Variants in FAM219A observed in about 807,000 individuals in gnomAD.
FAM219A encodes protein FAM219A.
Under a neutral mutation model 23.4 loss-of-function variants are expected in FAM219A, and 7 were observed. The ratio of observed to expected loss-of-function variants is 0.30; its 90% CI spans 0.17 to 0.56. FAM219A has a LOEUF of 0.56. Ranked by LOEUF, FAM219A falls within the 20% of genes least tolerant of loss-of-function variation. FAM219A has a pLI of 0.92. For missense variants in FAM219A, 166 were observed against 246.9 expected (o/e 0.67, Z 2.20); for synonymous variants, 93 against 99.0 (o/e 0.94, Z 0.36).
At chr9:34,455,619 A>C (rs1345742693) in intron 1 of FAM219A, among the ~76,000 whole-genome samples, 5 of 152,040 alleles carry the variant, frequency 3.3e-5, no homozygotes, top group Non-Finnish European at 7.4e-5. Context: ...GGCATGCAGC[A>C]CCATGCTGAG....
chr9:34,430,636 CAAAAAAAA>C (rs757627612), intron 1 of FAM219A, among the ~76,000 whole-genome samples: 4 of 56,272 alleles, frequency 7.1e-5, no homozygotes, highest in African/African-American at 1.3e-4. Flanking sequence ...GACTCCGTCT[CAAAAAAAA>C]AAAAAAAAAA....
chr9:34,439,200 C>T lies in FAM219A; in HGVS notation c.60+19004G>A, dbSNP rs138005944. 4.8e-3 allele frequency among the ~76,000 whole-genome samples: 727 copies of T among 152,338 alleles called. 6 individuals carry two copies. The highest frequency in any genetic ancestry group is 6.9e-3 in the Non-Finnish European group (471 of 68,022). On this transcript the variant is annotated intron_variant, in intron 1 of 5. Transcript: ENST00000651358. ...CGCCTTTAAGAACTGTAACACTCAC[C>T]GCGAGGGTCCGCGGCTTTATTCTTG...
At chr9:34,439,353 AT>A (rs1183323510) in intron 1 of FAM219A, among the ~76,000 whole-genome samples, 1 of 152,204 alleles carries the variant, frequency 6.6e-6, no homozygotes, top group Non-Finnish European at 1.5e-5. Context: ...CTAGAAGACA[AT>A]TCATTCAGTC....
At chr9:34,437,296 C>T (rs1016598247) in intron 1 of FAM219A, among the ~76,000 whole-genome samples, 2 of 152,140 alleles carry the variant, frequency 1.3e-5, no homozygotes, top group Admixed American at 6.5e-5. Flanking sequence ...CAGGACACTA[C>T]GTTATGATCT....
intron 1 of FAM219A, among the ~76,000 whole-genome samples, chr9:34,407,437 A>C (rs547698628): frequency 6.6e-6 from 1 of 152,330 alleles, no homozygotes; most frequent in East Asian, 1.9e-4. Flanking sequence ...GTATAGTGAG[A>C]TCATAGGTAC....
At chr9:34,438,986 C>T (rs561433888) in intron 1 of FAM219A, among the ~76,000 whole-genome samples, 4 of 152,246 alleles carry the variant, frequency 2.6e-5, no homozygotes, top group African/African-American at 4.8e-5. Context: ...TGCAGCTTCA[C>T]TCCTGAAACC....
rs187445033 is a variant in FAM219A, at chr9:34,439,716, T to G, written c.60+18488A>C. Among the ~76,000 whole-genome samples, 247 of 151,924 alleles carry G rather than the reference T, an allele frequency of 1.6e-3. 2 individuals are homozygous for G. Among genetic ancestry groups the G allele is most frequent in the Non-Finnish European group, 2.8e-3 (187 of 67,964 alleles). On this transcript the variant is annotated intron_variant, in intron 1 of 5. Coordinates refer to ENST00000651358, the MANE Select transcript of FAM219A (RefSeq NM_001184940.2). ...TCAAGCAGAAGGGAGCCTGGGACAT[T>G]AGAGAAGTGGAGGAAAAGCCAGTGA...
At position 34,402,743 on chromosome 9, in the gene FAM219A, G is replaced by C; in HGVS notation, c.225C>G (p.Asn75Lys). Residue 75 changes from asparagine (N) to lysine (K), a missense_variant, in exon 3 of 6, where the codon AAC becomes AAG. Physicochemically the swap from Asn to Lys is moderately conservative, Grantham distance 94 (BLOSUM62 0). Transcript: ENST00000651358. ...LKNGSMGSPV[N>K]QQPKKNNVMA... Reference sequence around the variant, plus strand: ...TGACATTGTTCTTCTTGGGTTGCTGGTTGACAGGGCTACCCATGCTGCCAT... The same window carrying C: ...TGACATTGTTCTTCTTGGGTTGCTGCTTGACAGGGCTACCCATGCTGCCAT... 6.2e-7 allele frequency: 1 copy of C among 1,614,186 alleles called. No homozygotes were observed. Among genetic ancestry groups the C allele is most frequent in the Non-Finnish European group, 8.5e-7 (1 of 1,180,024 alleles).
At chr9:34,443,728 C>T (rs1823268462) in intron 1 of FAM219A, among the ~76,000 whole-genome samples, 1 of 152,118 alleles carries the variant, frequency 6.6e-6, no homozygotes, top group Non-Finnish European at 1.5e-5. Context: ...CAGCTCCTGC[C>T]CTCAGGCCCG....
intron 1 of FAM219A, among the ~76,000 whole-genome samples, chr9:34,438,631 C>G (rs1460537145): frequency 1.3e-5 from 2 of 152,138 alleles, no homozygotes; most frequent in East Asian, 3.9e-4. Context: ...ACAAACCAAT[C>G]AGAAGCATGT....
chr9:34,429,857 C>T (rs907703379), intron 1 of FAM219A, among the ~76,000 whole-genome samples: 1 of 152,170 alleles, frequency 6.6e-6, no homozygotes, highest in Admixed American at 6.5e-5. Flanking sequence ...CAGTGTCTCT[C>T]CTTAATTTCC....
chr9:34,404,087 A>T (rs1409598733), intron 2 of FAM219A, among the ~76,000 whole-genome samples: 2 of 152,198 alleles, frequency 1.3e-5, no homozygotes, highest in Admixed American at 1.3e-4. Context: ...AGAAAAAAAG[A>T]TGTTATTTTA....
rs372503264 is a variant in FAM219A, at chr9:34,423,403, G to GA, written c.61-17440dup. 3.4e-3 allele frequency among the ~76,000 whole-genome samples: 516 copies of GA among 152,104 alleles called. 4 individuals are homozygous for GA. The highest frequency in any genetic ancestry group is 0.011 in the African/African-American group (477 of 41,524). On this transcript the variant is annotated intron_variant, in intron 1 of 5. Transcript: ENST00000651358. The stretch of plus-strand genomic sequence containing the variant: ...TGAGGAAAGGAGTGGCAAACAAAAA[G>GA]AAAAAAGAAGAGAAAGGACTGGTGG...
chr9:34,400,628 T>G lies in FAM219A; in HGVS notation c.*336A>C. On this transcript the variant is annotated 3_prime_UTR_variant, in exon 6 of 6. Transcript: ENST00000651358. ...CCTGGCTTTGTGATCCCCCCACTCG[T>G]TAATGTTGACCTCCCTGCCGTCCAG... The G allele has an allele frequency of 1.4e-5, 3 of 211,322 alleles. No homozygotes were observed. The highest frequency in any genetic ancestry group is 1.9e-5 in the Non-Finnish European group (2 of 106,684). 13.1% of individuals were successfully genotyped at this position (211,322 alleles called of 1,614,324 possible). A position where few individuals can be genotyped will look rare whatever the true frequency, so the allele number is the denominator to read the frequency against.
rs1365806888 is a variant in FAM219A at position 34,458,529 on chromosome 9, C to A, written c.-266G>T. Reference sequence around the variant, plus strand: ...GCAGGTCTTGCCTCGCCTCCTACTCCGCTGCCGCCTCCTGTCAGCAGCTCA... The same window carrying A: ...GCAGGTCTTGCCTCGCCTCCTACTCAGCTGCCGCCTCCTGTCAGCAGCTCA... On this transcript the variant is annotated 5_prime_UTR_variant, in exon 1 of 6. Transcript: ENST00000651358. The surrounding 1 kb of genome is among the most constrained non-coding windows in gnomAD (Gnocchi z 6.6). 2 of 382,918 alleles carry A rather than the reference C, an allele frequency of 5.2e-6. No individual in the cohort carries two copies. 23.7% of individuals were successfully genotyped at this position (382,918 alleles called of 1,614,324 possible). A position where few individuals can be genotyped will look rare whatever the true frequency, so the allele number is the denominator to read the frequency against.
intron 1 of FAM219A, among the ~76,000 whole-genome samples, chr9:34,437,342 G>A (rs1321324537): frequency 6.6e-6 from 1 of 152,208 alleles, no homozygotes; most frequent in Non-Finnish European, 1.5e-5. Context: ...CAGATGGGGT[G>A]AGAGACCCTG....
At chr9:34,445,569 G>A (rs529545160) in intron 1 of FAM219A, among the ~76,000 whole-genome samples, 8 of 152,262 alleles carry the variant, frequency 5.3e-5, no homozygotes, top group Non-Finnish European at 1.2e-4. Context: ...GGACATGGCT[G>A]GACTTACTAG....
At chr9:34,451,044 A>T (rs1823546162) in intron 1 of FAM219A, among the ~76,000 whole-genome samples, 1 of 152,206 alleles carries the variant, frequency 6.6e-6, no homozygotes, top group South Asian at 2.1e-4. Context: ...AACAATAATA[A>T]CAACAAATAC....
Position 34,400,907 on chromosome 9 carries a change from G to T in FAM219A, c.*57C>A. Reference sequence around the variant, plus strand: ...ACGAGCTGGGAAGGGGTCGGCCTCTGCCCGTCCTACCCGGCCCTTGGCGGC... The same window carrying T: ...ACGAGCTGGGAAGGGGTCGGCCTCTTCCCGTCCTACCCGGCCCTTGGCGGC... On this transcript the variant is annotated 3_prime_UTR_variant, in exon 6 of 6. Transcript: ENST00000651358. 6.8e-7 allele frequency: 1 copy of T among 1,459,898 alleles called. No homozygotes were observed. Among genetic ancestry groups the T allele is most frequent in the Non-Finnish European group, 9.1e-7 (1 of 1,104,720 alleles). The allele number at this position is 1,459,898 out of a possible 1,614,324, so 90.4% of individuals were successfully genotyped here.
Sources: gnomAD v4.1 joint callset for allele counts (sites outside exome capture counted in the v4.1 genomes callset) on GRCh38, gnomAD v4.1.1 for gene constraint, Gnocchi (gnomAD v3.1) non-coding constraint, MANE v1.5 for transcripts, NCBI Gene and HGNC (gene_info 2026-07-23, HGNC 2026-07-21) for gene names.